TTN: variants seen among roughly 807,000 people sequenced by gnomAD.
TTN encodes the protein titin, also known as connectin.
TTN carries 1,525 observed loss-of-function variants against 3,223.0 expected under a neutral mutation model. The observed-to-expected ratio is 0.47, with a 90% confidence interval of 0.45 to 0.49. The LOEUF (loss-of-function observed/expected upper bound fraction) is 0.49. Among genes scored for constraint, TTN ranks in the 20% least tolerant of loss-of-function variants. The pLI is 0.00. For missense variants in TTN, 40,786 were observed against 43,424.0 expected (o/e 0.94, Z 5.40); for synonymous variants, 14,094 against 15,161.0 (o/e 0.93, Z 5.17).
rs1576791396 is a variant in TTN, at chr2:178,639,820, C to T, written c.40787-32G>A. The T allele has an allele frequency of 5.2e-6, 8 of 1,540,132 alleles. No homozygotes were observed. In the East Asian group the frequency reaches 1.8e-4, roughly 35 times the overall value. ...AGAGAAGTCCATTGCATTAGTGTAT[C>T]AATTTGTCACTTCCTAAAAACTTAT... On this transcript the variant is annotated intron_variant, in intron 222 of 362. Transcript: ENST00000589042.
intron 119 of TTN, among the ~76,000 whole-genome samples, chr2:178,693,103 A>G (rs1401456626): frequency 1.3e-5 from 2 of 152,154 alleles, no homozygotes; most frequent in African/African-American, 4.8e-5. Context: ...AGAGATGTGC[A>G]GTAGTACATT....
Position 178,573,369 on chromosome 2 carries a change from T to C in TTN, c.72763A>G (p.Ile24255Val). ...TCACGCCGTTCCACAATATAATTGA[T>C]GATTTCACTTCCACCATCAGAATCA... ...HPDSDGGSEIINYIVERRDKA... is the reference protein window; with the variant it reads ...HPDSDGGSEIVNYIVERRDKA... The change falls in exon 326 of 363, where the codon ATC becomes GTC. Residue 24255 changes from isoleucine to valine, a missense_variant. Transcript: ENST00000589042. 6.6e-7 allele frequency: 1 copy of C among 1,525,482 alleles called. No homozygotes were observed. Among genetic ancestry groups the C allele is most frequent in the Non-Finnish European group, 8.8e-7 (1 of 1,137,464 alleles). 94.5% of individuals were successfully genotyped at this position (1,525,482 alleles called of 1,614,324 possible).
rs794729537 is a variant in TTN at position 178,547,422 on chromosome 2, C to T, written c.94204G>A (p.Ala31402Thr). The change falls in exon 339 of 363, where the codon GCT becomes ACT. Residue 31402 changes from alanine (A) to threonine (T), a missense_variant. Ala to Thr is a moderately conservative substitution (Grantham distance 58). Transcript: ENST00000589042. ...TTTTTCTTACCAAATGGATGTTCAG[C>T]AATTATTGGTGCTGATTCTAGAGGT... ...SKPLESAPII[A>T]EHPFVPPSAP... The T allele has an allele frequency of 6.3e-7, 1 of 1,599,906 alleles. No individual in the cohort carries two copies. The highest frequency in any genetic ancestry group is 1.3e-5 in the African/African-American group (1 of 74,618).
Position 178,549,654 on chromosome 2 carries a change from A to G in TTN, c.92068T>C (p.Tyr30690His). 6.2e-7 allele frequency: 1 copy of G among 1,613,850 alleles called. No individual in the cohort carries two copies. Among genetic ancestry groups the G allele is most frequent in the East Asian group, 2.2e-5 (1 of 44,870 alleles). The stretch of plus-strand genomic sequence containing the variant: ...TTAACTGCAGAAACACGGAATTGGT[A>G]TTCATTGCCGTTTATTAGTTTAATG... Reference protein sequence around the residue: ...TAIKLINGNEYQFRVSAVNKF... With the variant: ...TAIKLINGNEHQFRVSAVNKF... Residue 30690 changes from tyrosine to histidine, a missense_variant, in exon 338 of 363, where the codon TAC (tyrosine) becomes CAC (histidine). Physicochemically the swap from Tyr to His is moderately conservative, Grantham distance 83 (BLOSUM62 2). Transcript: ENST00000589042.
At chr2:178,679,563 A>C in intron 141 of TTN, 36 bp downstream of exon 141, 4 of 1,597,306 alleles carry the variant, frequency 2.5e-6, no homozygotes, top group Non-Finnish European at 3.4e-6. Flanking sequence ...AGGCAGATGA[A>C]GTCTCTTAGA....
In TTN at chr2:178,636,961, T is replaced by A. The variant is rs2060511914; in HGVS notation, c.40928-162A>T. On this transcript the variant is annotated intron_variant, in intron 224 of 362. Coordinates refer to ENST00000589042, the MANE Select transcript of TTN (RefSeq NM_001267550.2). The surrounding 1 kb of genome is among the most constrained non-coding windows in gnomAD (Gnocchi z 4.3). ...CCAATTGAGTTTATACTGCCTTGTT[T>A]CAGGCAGGAAAATGAGATGGTATAA... 6.6e-6 allele frequency among the ~76,000 whole-genome samples: 1 copy of A among 151,720 alleles called. No homozygotes were observed.
chr2:178,688,958 A>G (rs2071590823), intron 125 of TTN, 95 bp downstream of exon 125: 2 of 1,339,650 alleles, frequency 1.5e-6, no homozygotes, highest in Non-Finnish European at 2.1e-6. Context: ...GGATCAGTAT[A>G]AGCACAGACC....
rs2154345910 is a variant in TTN at position 178,775,903 on chromosome 2, A to G, written c.5961T>C (p.His1987=). The change falls in exon 28 of 363, where the codon CAT becomes CAC. Residue 1987 remains histidine, a synonymous_variant. Coordinates refer to ENST00000589042, the MANE Select transcript of TTN (RefSeq NM_001267550.2). ...CTTCCGACTCTTCAGGCACTTTTTC[A>G]TGGGTAATTCTTTCAGCCCTTTTCA... ...VKLKRAERIT[H]EKVPEESEEL... 6.2e-7 allele frequency: 1 copy of G among 1,614,040 alleles called. No homozygotes were observed. Among genetic ancestry groups the G allele is most frequent in the Non-Finnish European group, 8.5e-7 (1 of 1,179,986 alleles).
Position 178,614,507 on chromosome 2 carries a change from A to G in TTN, c.49007T>C (p.Val16336Ala). The G allele has an allele frequency of 1.2e-6, 2 of 1,611,418 alleles. No homozygotes were observed. Among genetic ancestry groups the G allele is most frequent in the African/African-American group, 2.7e-5 (2 of 74,904 alleles). Residue 16336 changes from valine (V) to alanine (A), a missense_variant, in exon 261 of 363, where the codon GTG becomes GCG. By Grantham distance (64) the Val-to-Ala change is moderately conservative. Transcript: ENST00000589042. ...TGTYIIEAVN[V>A]CGRATAVVEV... ...CACCACAGCAGTGGCCCGGCCACACACATTCACAGCCTCAATGATATATGT... is the reference window on the plus strand; with the variant it reads ...CACCACAGCAGTGGCCCGGCCACACGCATTCACAGCCTCAATGATATATGT...
At chr2:178,607,340 C>A (rs763339482) in intron 277 of TTN, 26 bp from the exon 278 acceptor site, 7 of 1,611,944 alleles carry the variant, frequency 4.3e-6, no homozygotes, top group African/African-American at 1.3e-5. Flanking sequence ...AGCCAAAAAT[C>A]AATGTAATAA....
In TTN at chr2:178,561,209, T is replaced by G. The variant is rs201674674; in HGVS notation, c.84923A>C (p.Gln28308Pro). ...TTCAGTTACTTCAAAGTATGTTTCT[T>G]GTATATTAGTATAATTGCACTTCAG... ...RWLKCNYTNI[Q>P]ETYFEVTELT... The change falls in exon 326 of 363, where the codon CAA (glutamine) becomes CCA (proline). Residue 28308 changes from glutamine to proline, a missense_variant. By Grantham distance (76) the Gln-to-Pro change is moderately conservative. Transcript: ENST00000589042. 2.6e-4 allele frequency: 421 copies of G among 1,613,592 alleles called. 1 individual carries two copies. The highest frequency in any genetic ancestry group is 8.2e-4 in the Middle Eastern group (5 of 6,062).
chr2:178,773,669 C>T lies in TTN; in HGVS notation c.7387G>A (p.Val2463Met). The T allele has an allele frequency of 6.2e-7, 1 of 1,614,044 alleles. No homozygotes were observed. The highest frequency in any genetic ancestry group is 8.5e-7 in the Non-Finnish European group (1 of 1,179,964). ...DVNVIEGTKAVLECKVSVPDV... is the reference protein window; with the variant it reads ...DVNVIEGTKAMLECKVSVPDV... ...GGGACTGACACCTTACATTCAAGCA[C>T]AGCCTTGGTGCCTTCAATCACATTA... The change falls in exon 32 of 363, where the codon GTG becomes ATG. Residue 2463 changes from valine (V) to methionine (M), a missense_variant. By Grantham distance (21) the Val-to-Met change is conservative. Transcript: ENST00000589042.
rs192952263 is a variant in TTN at position 178,539,804 on chromosome 2, G to C, written c.98261C>G (p.Ser32754Cys). 1.2e-6 allele frequency: 2 copies of C among 1,613,840 alleles called. No homozygotes were observed. Among genetic ancestry groups the C allele is most frequent in the East Asian group, 4.5e-5 (2 of 44,864 alleles). Residue 32754 changes from serine (S) to cysteine (C), a missense_variant, in exon 352 of 363, where the codon TCT (serine) becomes TGT (cysteine). Physicochemically the swap from Ser to Cys is moderately radical, Grantham distance 112. Transcript: ENST00000589042. The stretch of plus-strand genomic sequence containing the variant: ...GATCACAAGCTCAGTGTGTGTTTCA[G>C]ATGTTGCAATCATGGCACGCTTACT... ...DISKRAMIAT[S>C]ETHTELVIKE...
chr2:178,642,206 A>T (rs1329805321), intron 219 of TTN, 31 bp downstream of exon 219: 1 of 1,537,968 alleles, frequency 6.5e-7, no homozygotes, highest in Non-Finnish European at 8.8e-7. Flanking sequence ...AATATACTTA[A>T]CGCTGACAGA....
intron 218 of TTN, among the ~76,000 whole-genome samples, chr2:178,643,629 T>C (rs1038494140): frequency 1.3e-5 from 2 of 151,968 alleles, no homozygotes; most frequent in Non-Finnish European, 2.9e-5. Flanking sequence ...TTAAAAATCT[T>C]ATTGATGTTT....
Position 178,667,496 on chromosome 2 carries a change from C to T in TTN, c.35659G>A (p.Glu11887Lys). 6 of 1,598,446 alleles carry T rather than the reference C, an allele frequency of 3.8e-6. No individual in the cohort carries two copies. The highest frequency in any genetic ancestry group is 5.1e-6 in the Non-Finnish European group (6 of 1,179,166). Residue 11887 changes from glutamate (E) to lysine (K), a missense_variant, in exon 161 of 363, where the codon GAA becomes AAA. Glu to Lys is a moderately conservative substitution (Grantham distance 56, BLOSUM62 1). Coordinates refer to ENST00000589042, the MANE Select transcript of TTN (RefSeq NM_001267550.2). ...VPEPPKKVVP[E>K]DKIYVTIPKK... ...GGAATAGTCACATATATTTTGTCTT[C>T]TGGAACAACTTTCTTGGGTGGCTCA...
chr2:178,560,994 C>T lies in TTN; in HGVS notation c.85138G>A (p.Asp28380Asn), dbSNP rs1703440197. Residue 28380 changes from aspartate (D) to asparagine (N), a missense_variant, in exon 326 of 363, where the codon GAC (aspartate) becomes AAC (asparagine). Transcript: ENST00000589042. ...KAGEVLKINA[D>N]IAGRPLPVIS... Reference sequence around the variant, plus strand: ...ACTGGCAGAGGTCGCCCTGCAATGTCTGCATTTATCTTAAGGACCTCTCCA... The same window carrying T: ...ACTGGCAGAGGTCGCCCTGCAATGTTTGCATTTATCTTAAGGACCTCTCCA... 1 of 1,613,838 alleles carries T rather than the reference C, an allele frequency of 6.2e-7. No homozygotes were observed. The highest frequency in any genetic ancestry group is 8.5e-7 in the Non-Finnish European group (1 of 1,179,808).
rs1452738777 is a variant in TTN, at chr2:178,530,110, T to C, written c.106381A>G (p.Thr35461Ala). Residue 35461 changes from threonine to alanine, a missense_variant, in exon 359 of 363, where the codon ACA (threonine) becomes GCA (alanine). Thr to Ala is a moderately conservative substitution (Grantham distance 58). Coordinates refer to ENST00000589042, the MANE Select transcript of TTN (RefSeq NM_001267550.2). ...AIWTKDGKAI[T>A]QGGKYKLSED... is the part of the protein sequence containing the mutation. ...GAGAGTTTATATTTACCTCCTTGTGTAATGGCCTGTAGAATGCAAATGATT... is the reference window on the plus strand; with the variant it reads ...GAGAGTTTATATTTACCTCCTTGTGCAATGGCCTGTAGAATGCAAATGATT... 6.3e-7 allele frequency: 1 copy of C among 1,595,792 alleles called. No homozygotes were observed.
intron 146 of TTN, 76 bp from the exon 147 acceptor site, chr2:178,677,363 A>ACC: frequency 2.6e-6 from 1 of 387,564 alleles, no homozygotes; most frequent in Non-Finnish European, 3.3e-6. Flanking sequence ...TATATATATG[A>ACC]AAGAGACACG....
Sources: allele counts gnomAD v4.1 joint callset (sites outside exome capture counted in the v4.1 genomes callset), GRCh38; gene constraint gnomAD v4.1.1; non-coding constraint Gnocchi (gnomAD v3.1); transcripts MANE v1.5; gene names NCBI Gene and HGNC (gene_info 2026-07-23, HGNC 2026-07-21).